Variants in SAMD5 observed in about 807,000 individuals in gnomAD.
The protein encoded by SAMD5 is sterile alpha motif domain-containing protein 5.
In SAMD5, 13 loss-of-function variants were observed where a neutral mutation model predicts 11.3. The ratio of observed to expected loss-of-function variants is 1.15; its 90% CI spans 0.75 to 1.83. The LOEUF (loss-of-function observed/expected upper bound fraction) is 1.83, where lower values mean the gene tolerates loss of function less well. SAMD5 is among the 40% of genes most tolerant of loss of function. The pLI is 0.00. For synonymous variants in SAMD5, 129 were observed against 111.3 expected (o/e 1.16, Z -1.00); for missense variants, 255 against 239.1 (o/e 1.07, Z -0.44).
intron 1 of SAMD5, among the ~76,000 whole-genome samples, chr6:147,726,898 T>A (rs370596008): frequency 2.0e-5 from 3 of 152,216 alleles, no homozygotes; most frequent in African/African-American, 7.2e-5. Flanking sequence ...CTGCCTTACT[T>A]CTTCTGTCAT....
At chr6:147,680,931 T>G (rs1790932022) in intron 1 of SAMD5, among the ~76,000 whole-genome samples, 1 of 152,218 alleles carries the variant, frequency 6.6e-6, no homozygotes, top group Admixed American at 6.5e-5. Context: ...ATCTGTGTTC[T>G]TGAATGATAT....
the SAMD5 span, among the ~76,000 whole-genome samples, chr6:147,776,748 C>T: frequency 2.0e-5 from 3 of 152,094 alleles, no homozygotes; most frequent in African/African-American, 4.8e-5. Context: ...AATGCGGTGA[C>T]AAGGGATGGA....
chr6:147,541,091 A>T (rs1302652681), intron 1 of SAMD5, among the ~76,000 whole-genome samples: 1 of 151,962 alleles, frequency 6.6e-6, no homozygotes, highest in Admixed American at 6.6e-5. Flanking sequence ...CTGGGATTAC[A>T]GGTGTCCACC....
chr6:147,667,677 A>T (rs1201995427), intron 1 of SAMD5, among the ~76,000 whole-genome samples: 1 of 152,220 alleles, frequency 6.6e-6, no homozygotes, highest in African/African-American at 2.4e-5. Context: ...ACTGAGGTAG[A>T]TGACTAGCAA....
chr6:147,764,899 C>T, the SAMD5 span, among the ~76,000 whole-genome samples: 1 of 152,110 alleles, frequency 6.6e-6, no homozygotes, highest in Non-Finnish European at 1.5e-5. Flanking sequence ...TTTGCCTTCT[C>T]TTTGTATGCA....
chr6:147,801,805 C>T, the SAMD5 span, among the ~76,000 whole-genome samples: 2,023 of 152,236 alleles, frequency 0.013, 50 homozygotes, highest in African/African-American at 0.043. Context: ...GTTAGACCCA[C>T]GCACATATGG....
At chr6:147,951,077 C>A in the SAMD5 span, among the ~76,000 whole-genome samples, 2 of 151,774 alleles carry the variant, frequency 1.3e-5, no homozygotes, top group African/African-American at 2.4e-5. Flanking sequence ...TCAATTCTGA[C>A]CTTTATGACT....
At chr6:147,828,574 G>A in the SAMD5 span, among the ~76,000 whole-genome samples, 1 of 152,160 alleles carries the variant, frequency 6.6e-6, no homozygotes, top group Admixed American at 6.5e-5. Flanking sequence ...CTGAGCCTAT[G>A]TCTTCCTCCC....
In SAMD5 at chr6:147,682,846, C is replaced by T. The variant is rs553589881; in HGVS notation, c.163-54471C>T. On this transcript the variant is annotated intron_variant, in intron 1 of 1. Coordinates refer to the SAMD5 transcript ENST00000566741. ...TCTTTGTTTCTTATATATTTTGAGA[C>T]ATTGAGTAACTTATTAAATCATACT... is the stretch of plus-strand genomic sequence containing the variant. Among the ~76,000 whole-genome samples, 14 of 152,194 alleles carry T rather than the reference C, an allele frequency of 9.2e-5. No individual in the cohort carries two copies. The South Asian group carries it at 2.7e-3, about 29-fold the overall frequency.
chr6:147,810,957 C>T, the SAMD5 span, among the ~76,000 whole-genome samples: 1 of 152,098 alleles, frequency 6.6e-6, no homozygotes, highest in Non-Finnish European at 1.5e-5. Context: ...ACACAAAGGA[C>T]CAAGTGAGAA....
At chr6:147,523,328 T>C (rs972858288) in intron 1 of SAMD5, among the ~76,000 whole-genome samples, 1 of 152,184 alleles carries the variant, frequency 6.6e-6, no homozygotes, top group Non-Finnish European at 1.5e-5. Context: ...ATTTAAACAT[T>C]TATTGAAACA....
the SAMD5 span, among the ~76,000 whole-genome samples, chr6:147,803,131 C>CTGTGTGTGTGTG: frequency 6.5e-4 from 89 of 136,814 alleles, 3 homozygotes; most frequent in East Asian, 8.8e-3. Context: ...GCCTTCCTTT[C>CTGTGTGTGTGTG]TGTGTGTGTG....
intron 1 of SAMD5, among the ~76,000 whole-genome samples, chr6:147,726,502 A>T (rs1583155341): frequency 6.6e-6 from 1 of 152,212 alleles, no homozygotes; most frequent in African/African-American, 2.4e-5. Flanking sequence ...GGCAGTCTGT[A>T]TGCCAGGCCT....
At chr6:147,603,797 AC>A (rs1213416948) in intron 1 of SAMD5, among the ~76,000 whole-genome samples, 4 of 150,754 alleles carry the variant, frequency 2.7e-5, no homozygotes, top group African/African-American at 7.4e-5. Context: ...ACAAAAAAAA[AC>A]AACAACAACA....
the SAMD5 span, among the ~76,000 whole-genome samples, chr6:147,838,538 C>CG: frequency 1.4e-5 from 2 of 143,216 alleles, no homozygotes; most frequent in Admixed American, 1.4e-4. Flanking sequence ...CCTGCCCCCC[C>CG]CCCGTAGTTA....
At chr6:147,814,518 G>A in the SAMD5 span, among the ~76,000 whole-genome samples, 4 of 152,084 alleles carry the variant, frequency 2.6e-5, no homozygotes, top group Admixed American at 1.3e-4. Context: ...AGTTGGATCT[G>A]GCTTTATGGT....
the SAMD5 span, among the ~76,000 whole-genome samples, chr6:147,910,435 G>A: frequency 2.3e-3 from 355 of 152,248 alleles, 3 homozygotes; most frequent in Non-Finnish European, 3.7e-3. Context: ...TACTCTCTCC[G>A]GGCGCAGCGG....
chr6:147,837,758 T>C, the SAMD5 span, among the ~76,000 whole-genome samples: 1 of 152,224 alleles, frequency 6.6e-6, no homozygotes, highest in South Asian at 2.1e-4. Context: ...TAGGCTTCCC[T>C]GTTTTATGAG....
the SAMD5 span, among the ~76,000 whole-genome samples, chr6:147,890,521 G>A: frequency 6.6e-6 from 1 of 151,784 alleles, no homozygotes; most frequent in South Asian, 2.1e-4. Context: ...ACCACGCCCC[G>A]CTAATTTTTG....
Sources: allele counts gnomAD v4.1 joint callset (sites outside exome capture counted in the v4.1 genomes callset), GRCh38; gene constraint gnomAD v4.1.1; transcripts MANE v1.5; gene names NCBI Gene and HGNC (gene_info 2026-07-23, HGNC 2026-07-21).